Variants in UNC13B observed in about 807,000 individuals in gnomAD.
The protein encoded by UNC13B is protein unc-13 homolog B.
Under a neutral mutation model 211.0 loss-of-function variants are expected in UNC13B, and 144 were observed. The ratio of observed to expected loss-of-function variants is 0.68; its 90% CI spans 0.60 to 0.78. UNC13B has a LOEUF of 0.78. Ranked by LOEUF, UNC13B falls within the 30% of genes least tolerant of loss-of-function variation. UNC13B has a pLI of 0.00. For synonymous variants in UNC13B, 709 were observed against 725.8 expected, an observed-to-expected ratio of 0.98 and a Z score of 0.37; for missense variants, 1,777 against 2,002.0, an observed-to-expected ratio of 0.89 and a Z score of 2.14.
chr9:35,321,944 C>T (rs1205032877), intron 11 of UNC13B, among the ~76,000 whole-genome samples: 3 of 152,192 alleles, frequency 2.0e-5, no homozygotes, highest in African/African-American at 7.2e-5. Context: ...GCCAATTTGA[C>T]AGAAGAATGG....
chr9:35,171,921 A>C (rs1320574518), intron 1 of UNC13B, among the ~76,000 whole-genome samples: 2 of 152,242 alleles, frequency 1.3e-5, no homozygotes, highest in African/African-American at 4.8e-5. Context: ...ATTTAGATTA[A>C]ACATAAATTA....
rs1427165098 is a variant in UNC13B at position 35,399,709 on chromosome 9, C to A, written c.12316C>A (p.Leu4106Ile). The A allele has an allele frequency of 1.2e-6, 2 of 1,614,000 alleles. No individual in the cohort carries two copies. The highest frequency in any genetic ancestry group is 8.5e-7 in the Non-Finnish European group (1 of 1,180,018). The change falls in exon 36 of 40, where the codon CTC becomes ATC. Residue 4106 changes from leucine to isoleucine, a missense_variant. Physicochemically the swap from Leu to Ile is conservative, Grantham distance 5 (BLOSUM62 2). Transcript: ENST00000635942. ...LTPKQCAVLD[L>I]ALDTIKQYFH... is the part of the protein sequence containing the mutation. ...TCCAAAGCAGTGTGCAGTCCTTGAC[C>A]TCGCCCTGGACACCATCAAGGTGGA... is the stretch of plus-strand genomic sequence containing the variant.
At chr9:35,213,301 G>A (rs1824071012) in intron 1 of UNC13B, among the ~76,000 whole-genome samples, 1 of 152,088 alleles carries the variant, frequency 6.6e-6, no homozygotes, top group Non-Finnish European at 1.5e-5. Flanking sequence ...ACAGCACCAG[G>A]CAGTTTGTAC....
chr9:35,394,787 T>G (rs1183482097), intron 26 of UNC13B, among the ~76,000 whole-genome samples: 1 of 152,110 alleles, frequency 6.6e-6, no homozygotes, highest in African/African-American at 2.4e-5. Context: ...TCAAACAACT[T>G]TACTGGAGCA....
chr9:35,369,291 A>G (rs937417732), intron 12 of UNC13B, among the ~76,000 whole-genome samples: 7 of 152,138 alleles, frequency 4.6e-5, no homozygotes, highest in African/African-American at 1.4e-4. Context: ...AACTTTCCCA[A>G]CGTCTTTGCT....
At chr9:35,318,202 G>A (rs1373487755) in intron 11 of UNC13B, among the ~76,000 whole-genome samples, 1 of 152,152 alleles carries the variant, frequency 6.6e-6, no homozygotes, top group Non-Finnish European at 1.5e-5. Context: ...CACAGGTAAA[G>A]TAACTGGCAA....
In UNC13B at chr9:35,298,055, A is replaced by G. The variant is rs577031502; in HGVS notation, c.762-2111A>G. On this transcript the variant is annotated intron_variant, in intron 8 of 39. Transcript: ENST00000635942. ...CATCCATTGATCCGTGCCTGAATCA[A>G]TTATTTTATTGATTGGAGGTTAGTT... is the stretch of plus-strand genomic sequence containing the variant. 2.5e-4 allele frequency among the ~76,000 whole-genome samples: 38 copies of G among 152,292 alleles called. No homozygotes were observed. The East Asian group carries it at 7.1e-3, about 29-fold the overall frequency.
Position 35,236,478 on chromosome 9 carries a change from T to G in UNC13B, c.162T>G (p.Ser54Arg). 6.2e-7 allele frequency: 1 copy of G among 1,613,992 alleles called. No homozygotes were observed. ...SWEQDFMFEI[S>R]RLDLGLSVEV... ...TTCCTCTTTCCCTTAGTGAGATTAG[T>G]CGCCTGGACCTGGGTCTAAGTGTGG... Residue 54 changes from serine to arginine, a missense_variant, in exon 4 of 40, where the codon AGT (serine) becomes AGG (arginine). Ser to Arg is a moderately radical substitution (Grantham distance 110). Transcript: ENST00000635942.
intron 1 of UNC13B, among the ~76,000 whole-genome samples, chr9:35,191,514 C>A (rs1158318165): frequency 6.6e-6 from 1 of 152,148 alleles, no homozygotes; most frequent in African/African-American, 2.4e-5. Context: ...AAGAAACTAG[C>A]CACAAAATGA....
chr9:35,280,723 T>G (rs1268004973), intron 7 of UNC13B, among the ~76,000 whole-genome samples: 1 of 152,208 alleles, frequency 6.6e-6, no homozygotes, highest in Non-Finnish European at 1.5e-5. Flanking sequence ...AAAATAATGT[T>G]AATTGTAGTC....
At chr9:35,162,330 A>G in intron 1 of UNC13B, 25 bp downstream of exon 1, 2 of 1,532,042 alleles carry the variant, frequency 1.3e-6, no homozygotes, top group Non-Finnish European at 1.7e-6. Context: ...TGAGGCGGGG[A>G]GGCGGGGTGT....
At chr9:35,172,002 T>G (rs1821357609) in intron 1 of UNC13B, among the ~76,000 whole-genome samples, 1 of 152,072 alleles carries the variant, frequency 6.6e-6, no homozygotes, top group African/African-American at 2.4e-5. Flanking sequence ...TCTTCAAAAA[T>G]AAGCCCTATT....
At chr9:35,187,392 T>G (rs1822419342) in intron 1 of UNC13B, among the ~76,000 whole-genome samples, 1 of 152,214 alleles carries the variant, frequency 6.6e-6, no homozygotes, top group Admixed American at 6.5e-5. Flanking sequence ...CACCACTTGA[T>G]TCACAGGAAT....
At chr9:35,353,428 A>AG (rs1832842323) in intron 11 of UNC13B, 1 of 1,232,170 alleles carries the variant, frequency 8.1e-7, no homozygotes. Context: ...CAGTGAGTTC[A>AG]GGGGGTGCCC....
intron 10 of UNC13B, among the ~76,000 whole-genome samples, chr9:35,310,993 GT>G (rs1830157717): frequency 1.3e-5 from 2 of 152,170 alleles, no homozygotes; most frequent in South Asian, 4.1e-4. Flanking sequence ...GTTTTTGTTT[GT>G]TTGCTTTTGA....
chr9:35,262,131 G>A (rs186341777), intron 7 of UNC13B, among the ~76,000 whole-genome samples: 152 of 152,116 alleles, frequency 1.0e-3, no homozygotes, highest in Admixed American at 3.1e-3. Flanking sequence ...GCCTTCCCCC[G>A]CCATGATCTA....
At chr9:35,334,912 C>A (rs1327982702) in intron 11 of UNC13B, among the ~76,000 whole-genome samples, 1 of 152,126 alleles carries the variant, frequency 6.6e-6, no homozygotes, top group Admixed American at 6.6e-5. Context: ...GTGGCGGGCA[C>A]CTGTAATCCC....
chr9:35,215,216 G>A (rs896109361), intron 1 of UNC13B, among the ~76,000 whole-genome samples: 5 of 152,074 alleles, frequency 3.3e-5, no homozygotes, highest in African/African-American at 1.2e-4. Flanking sequence ...GACCAGCCTG[G>A]GCAACATAGA....
At chr9:35,261,688 T>C (rs1160107215) in intron 7 of UNC13B, among the ~76,000 whole-genome samples, 2 of 152,150 alleles carry the variant, frequency 1.3e-5, no homozygotes, top group Non-Finnish European at 2.9e-5. Flanking sequence ...AGTCACCCTA[T>C]TGTGCTAGCA....
Sources: gnomAD v4.1 joint callset for allele counts (sites outside exome capture counted in the v4.1 genomes callset) on GRCh38, gnomAD v4.1.1 for gene constraint, MANE v1.5 for transcripts, NCBI Gene and HGNC (gene_info 2026-07-23, HGNC 2026-07-21) for gene names.